Variants in VPS8 observed in about 807,000 individuals in gnomAD.
The protein encoded by VPS8 is VPS8 subunit of CORVET complex, also known as vacuolar protein sorting-associated protein 8 homolog.
A neutral mutation model predicts 216.4 loss-of-function variants in VPS8; 129 were observed. The observed-to-expected ratio is 0.60, with a 90% CI of 0.52 to 0.69. The LOEUF (loss-of-function observed/expected upper bound fraction) is 0.69. Ranked by LOEUF, VPS8 falls within the 30% of genes least tolerant of loss-of-function variation. The pLI, the probability that VPS8 is intolerant of heterozygous loss-of-function variation, is 0.00. For missense variants in VPS8, 1,531 were observed against 1,683.5 expected (o/e 0.91, Z 1.59); for synonymous variants, 571 against 565.4 (o/e 1.01, Z -0.14).
chr3:184,965,872 G>A (rs1317964547), intron 38 of VPS8, among the ~76,000 whole-genome samples: 1 of 152,110 alleles, frequency 6.6e-6, no homozygotes, highest in Non-Finnish European at 1.5e-5. Context: ...GATTTGAGAA[G>A]TTATTGATCA....
At position 185,017,835 on chromosome 3, in the gene VPS8, C is replaced by T. The variant is rs562993238; in HGVS notation, c.4003-6501C>T. On this transcript the variant is annotated intron_variant, in intron 45 of 47. Coordinates refer to ENST00000625842, the MANE Select transcript of VPS8 (RefSeq NM_001009921.3). The stretch of plus-strand genomic sequence containing the variant: ...TCCCGGTTTGGAATGGGGCCCAGGA[C>T]GGCCCTTCATGACGTTTCCCGAAAT... 6.6e-4 allele frequency among the ~76,000 whole-genome samples: 101 copies of T among 152,046 alleles called. 2 individuals are homozygous for T. The highest frequency in any genetic ancestry group is 2.3e-3 in the African/African-American group (96 of 41,296).
At chr3:184,909,471 A>G (rs1207503207) in intron 25 of VPS8, among the ~76,000 whole-genome samples, 3 of 151,652 alleles carry the variant, frequency 2.0e-5, no homozygotes, top group Admixed American at 1.3e-4. Flanking sequence ...TCTGTTTTTC[A>G]CCTTGGATGA....
intron 36 of VPS8, among the ~76,000 whole-genome samples, chr3:184,953,776 A>G (rs1403426303): frequency 6.6e-6 from 1 of 152,176 alleles, no homozygotes; most frequent in African/African-American, 2.4e-5. Context: ...GACTAGCTAG[A>G]TGCCTGGAAT....
In VPS8 at chr3:184,914,916, T is replaced by A. The variant is rs1337230939; in HGVS notation, c.2190-65T>A. ...AGTATCTCAAGTTTGAGAAACAATG[T>A]GTTACTCGCTTGAAAGTTATCCCCT... On this transcript the variant is annotated intron_variant, in intron 26 of 47. Coordinates refer to ENST00000625842, the MANE Select transcript of VPS8 (RefSeq NM_001009921.3). The A allele has an allele frequency of 7.5e-6, 11 of 1,457,408 alleles. No individual in the cohort carries two copies. In the South Asian group the frequency reaches 1.1e-4, roughly 15 times the overall value. 90.3% of individuals were successfully genotyped at this position (1,457,408 alleles called of 1,614,324 possible).
At chr3:184,980,656 T>G (rs6801142) in intron 40 of VPS8, among the ~76,000 whole-genome samples, 13,590 of 152,244 alleles carry the variant, frequency 0.089, 646 homozygotes, top group African/African-American at 0.096. Flanking sequence ...AGTGAGTTTT[T>G]CAGCTCTAAC....
chr3:184,992,225 T>A (rs186727110), intron 42 of VPS8, among the ~76,000 whole-genome samples: 2 of 152,254 alleles, frequency 1.3e-5, no homozygotes, highest in Admixed American at 1.3e-4. Context: ...TTCCATAGCC[T>A]TTTTTCCTTC....
intron 45 of VPS8, among the ~76,000 whole-genome samples, chr3:185,021,417 C>G (rs942083050): frequency 2.6e-5 from 4 of 152,188 alleles, no homozygotes; most frequent in African/African-American, 7.2e-5. Flanking sequence ...TATAAATTGT[C>G]CACCACCACA....
At chr3:184,867,446 A>G (rs987171294) in intron 17 of VPS8, among the ~76,000 whole-genome samples, 1 of 152,228 alleles carries the variant, frequency 6.6e-6, no homozygotes, top group Non-Finnish European at 1.5e-5. Flanking sequence ...TTTAACCAAA[A>G]TATTGCCAAG....
chr3:184,996,662 G>C (rs956280356), intron 44 of VPS8, among the ~76,000 whole-genome samples, 161 bp downstream of exon 44: 2 of 152,142 alleles, frequency 1.3e-5, no homozygotes, highest in African/African-American at 4.8e-5. Context: ...GTGGAGGTTA[G>C]GGTGCCCAGG....
intron 29 of VPS8, among the ~76,000 whole-genome samples, chr3:184,921,887 TAGG>T (rs1162294184): frequency 6.6e-6 from 1 of 152,052 alleles, no homozygotes; most frequent in Non-Finnish European, 1.5e-5. Context: ...GTTTCTAAGT[TAGG>T]AGGGAAGACT....
intron 45 of VPS8, among the ~76,000 whole-genome samples, chr3:185,018,466 C>G (rs1435740596): frequency 1.3e-5 from 2 of 152,232 alleles, no homozygotes; most frequent in African/African-American, 4.8e-5. Flanking sequence ...GCTGCCAACC[C>G]CCAAAAGTTG....
intron 45 of VPS8, among the ~76,000 whole-genome samples, chr3:185,007,936 A>G (rs1754486954): frequency 6.6e-6 from 1 of 152,136 alleles, no homozygotes; most frequent in Non-Finnish European, 1.5e-5. Context: ...TTTACATGCC[A>G]TTTAATGAAA....
chr3:184,870,857 T>C, intron 21 of VPS8, 52 bp downstream of exon 21: 1 of 1,429,560 alleles, frequency 7.0e-7, no homozygotes, highest in Non-Finnish European at 9.6e-7. Context: ...GGTCTAATAC[T>C]CCTCTTTTAT....
chr3:185,023,985 G>C (rs1757012165), intron 45 of VPS8, among the ~76,000 whole-genome samples: 2 of 152,308 alleles, frequency 1.3e-5, no homozygotes, highest in East Asian at 3.9e-4. Context: ...TCACAGTAGA[G>C]ATTTTGAGTT....
At chr3:184,867,020 G>A (rs1199876743) in intron 17 of VPS8, 70 bp downstream of exon 17, 4 of 1,432,168 alleles carry the variant, frequency 2.8e-6, no homozygotes, top group South Asian at 1.2e-5. Flanking sequence ...GAGATTGCTG[G>A]TAAAGAGGGC....
intron 42 of VPS8, among the ~76,000 whole-genome samples, chr3:184,986,902 T>A (rs1037289741): frequency 6.6e-6 from 1 of 152,182 alleles, no homozygotes; most frequent in African/African-American, 2.4e-5. Context: ...GTATATTTGT[T>A]ACAATTGGTG....
At chr3:184,860,952 G>C (rs1172918171) in intron 15 of VPS8, among the ~76,000 whole-genome samples, 1 of 151,772 alleles carries the variant, frequency 6.6e-6, no homozygotes, top group African/African-American at 2.4e-5. Context: ...CTCCCGAGTA[G>C]CTGGGACTAC....
chr3:184,977,728 CTTTTT>C (rs55724735), intron 40 of VPS8, among the ~76,000 whole-genome samples: 2 of 126,004 alleles, frequency 1.6e-5, no homozygotes, highest in Non-Finnish European at 1.7e-5. Context: ...CATTGCTTAT[CTTTTT>C]TTTTTTTTTT....
At position 184,924,848 on chromosome 3, in the gene VPS8, C is replaced by T. The variant is rs1284971497; in HGVS notation, c.2455-14C>T. The T allele has an allele frequency of 2.5e-6, 4 of 1,604,026 alleles. No homozygotes were observed. In the Admixed American group the frequency reaches 6.8e-5, roughly 27 times the overall value. ...AAATGGTGTATTGAATAAATGGTCT[C>T]CTTTGCTCTTCAGGTTATGGTGGAG... On this transcript the variant is annotated splice_polypyrimidine_tract_variant and intron_variant, in intron 29 of 47. Transcript: ENST00000625842.
Sources: gnomAD v4.1 joint callset for allele counts (sites outside exome capture counted in the v4.1 genomes callset) on GRCh38, gnomAD v4.1.1 for gene constraint, MANE v1.5 for transcripts, NCBI Gene and HGNC (gene_info 2026-07-23, HGNC 2026-07-21) for gene names.